AGBL1: variants seen among roughly 807,000 people sequenced by gnomAD.
The protein encoded by AGBL1 is cytosolic carboxypeptidase 4.
Under a neutral mutation model 118.9 loss-of-function variants are expected in AGBL1, and 130 were observed. The ratio of observed to expected loss-of-function variants is 1.09; its 90% CI spans 0.95 to 1.26. The LOEUF (loss-of-function observed/expected upper bound fraction) is 1.26, where lower values mean the gene tolerates loss of function less well. AGBL1 is among the 50% of genes most tolerant of loss of function. AGBL1 has a pLI of 0.00. For missense variants in AGBL1, 1,584 were observed against 1,298.1 expected (o/e 1.22, Z -3.38); for synonymous variants, 555 against 478.9 (o/e 1.16, Z -2.08).
chr15:86,438,988 C>T (rs1353846050), intron 18 of AGBL1, among the ~76,000 whole-genome samples: 1 of 152,032 alleles, frequency 6.6e-6, no homozygotes, highest in Non-Finnish European at 1.5e-5. Context: ...TCTGGCATCT[C>T]TCCCTCCTCC....
chr15:86,431,449 A>AT (rs2081934921), intron 18 of AGBL1, among the ~76,000 whole-genome samples: 1 of 152,180 alleles, frequency 6.6e-6, no homozygotes, highest in African/African-American at 2.4e-5. Context: ...TACCATATAC[A>AT]TTTCCGAGTA....
chr15:86,598,544 A>G (rs1482898943), intron 21 of AGBL1, among the ~76,000 whole-genome samples: 1 of 152,132 alleles, frequency 6.6e-6, no homozygotes, highest in Non-Finnish European at 1.5e-5. Flanking sequence ...ATTGTCCATC[A>G]CTATTCTTGT....
At chr15:86,509,137 G>A (rs963802146) in intron 18 of AGBL1, among the ~76,000 whole-genome samples, 2 of 152,102 alleles carry the variant, frequency 1.3e-5, no homozygotes, top group Non-Finnish European at 2.9e-5. Flanking sequence ...AGAATCCGGT[G>A]ACACGCACAT....
chr15:86,105,231 A>T (rs1896985097), intron 1 of AGBL1: 1 of 152,168 alleles, frequency 6.6e-6, no homozygotes, highest in African/African-American at 2.4e-5. Context: ...ATGTTGACAG[A>T]TATTTCATGC....
chr15:86,573,536 AG>A (rs1199315869), intron 21 of AGBL1, among the ~76,000 whole-genome samples: 1 of 152,232 alleles, frequency 6.6e-6, no homozygotes, highest in Non-Finnish European at 1.5e-5. Flanking sequence ...AAAGTAGGGC[AG>A]GGTCAGGAAG....
intron 22 of AGBL1, among the ~76,000 whole-genome samples, chr15:86,718,655 A>G (rs1299280481): frequency 6.6e-6 from 1 of 152,166 alleles, no homozygotes; most frequent in Non-Finnish European, 1.5e-5. Flanking sequence ...TCCGATGAGA[A>G]AGAATTTGGC....
At chr15:86,889,287 A>C (rs2141552455) in intron 22 of AGBL1, among the ~76,000 whole-genome samples, 1 of 134,216 alleles carries the variant, frequency 7.5e-6, no homozygotes, top group South Asian at 2.2e-4. Context: ...CCAAAAATTA[A>C]ACTGAAATCT....
chr15:86,764,314 T>G (rs1318318290), intron 22 of AGBL1, among the ~76,000 whole-genome samples: 1 of 151,958 alleles, frequency 6.6e-6, no homozygotes, highest in Non-Finnish European at 1.5e-5. Flanking sequence ...ATGGGTACAG[T>G]GATATGTAGT....
intron 22 of AGBL1, among the ~76,000 whole-genome samples, chr15:86,716,347 T>C (rs982163875): frequency 4.6e-5 from 7 of 152,000 alleles, no homozygotes; most frequent in African/African-American, 1.7e-4. Context: ...CTCGGAAGTG[T>C]AGTGGGGTCC....
chr15:86,773,033 T>C (rs2078204141), intron 22 of AGBL1, among the ~76,000 whole-genome samples: 1 of 151,992 alleles, frequency 6.6e-6, no homozygotes, highest in Admixed American at 6.6e-5. Flanking sequence ...GGTTTGGGGT[T>C]AGATTTACCT....
At chr15:86,598,045 C>G (rs1008449374) in intron 21 of AGBL1, among the ~76,000 whole-genome samples, 2 of 152,070 alleles carry the variant, frequency 1.3e-5, no homozygotes, top group Non-Finnish European at 2.9e-5. Context: ...CATATTTTGT[C>G]TGGCTGTTGT....
chr15:86,721,437 C>T (rs1368209853), intron 22 of AGBL1, among the ~76,000 whole-genome samples: 1 of 152,078 alleles, frequency 6.6e-6, no homozygotes, highest in African/African-American at 2.4e-5. Flanking sequence ...AGGCCTTTGA[C>T]AAAATTCAAC....
intron 17 of AGBL1, chr15:86,317,309 T>C (rs1220321659): frequency 6.6e-6 from 1 of 152,132 alleles, no homozygotes; most frequent in Non-Finnish European, 1.5e-5. Context: ...AGAGAGCAGA[T>C]GGGCTTTTGT....
chr15:86,592,636 G>C (rs1169597645), intron 21 of AGBL1, among the ~76,000 whole-genome samples: 1 of 152,166 alleles, frequency 6.6e-6, no homozygotes. Flanking sequence ...TACCAGTTGA[G>C]TGTTCTTAGA....
At chr15:86,315,950 A>G (rs1416780108) in intron 17 of AGBL1, among the ~76,000 whole-genome samples, 1 of 152,190 alleles carries the variant, frequency 6.6e-6, no homozygotes, top group Non-Finnish European at 1.5e-5. Context: ...GCTTCAGCCT[A>G]AAGCTCTCAG....
intron 18 of AGBL1, among the ~76,000 whole-genome samples, chr15:86,480,099 G>C (rs951930228): frequency 6.6e-6 from 1 of 152,102 alleles, no homozygotes; most frequent in Admixed American, 6.5e-5. Flanking sequence ...GGTGGGGAGA[G>C]GGGGGAGGGA....
chr15:86,416,557 G>A (rs1269265425), intron 18 of AGBL1, among the ~76,000 whole-genome samples: 1 of 151,500 alleles, frequency 6.6e-6, no homozygotes, highest in Non-Finnish European at 1.5e-5. Flanking sequence ...ATCTCAGGTG[G>A]GGAACACTTT....
At chr15:86,559,882 G>A (rs2083789722) in intron 21 of AGBL1, among the ~76,000 whole-genome samples, 1 of 152,146 alleles carries the variant, frequency 6.6e-6, no homozygotes, top group Non-Finnish European at 1.5e-5. Flanking sequence ...TTTGGAAGCA[G>A]GAGACCCACC....
intron 16 of AGBL1, among the ~76,000 whole-genome samples, chr15:86,293,052 T>C (rs1383358670): frequency 7.2e-5 from 11 of 152,234 alleles, no homozygotes; most frequent in Non-Finnish European, 1.5e-5. Flanking sequence ...GGTAATCTTT[T>C]CTTTTCTTGG....
Sources: gnomAD v4.1 joint callset for allele counts (sites outside exome capture counted in the v4.1 genomes callset) on GRCh38, gnomAD v4.1.1 for gene constraint, MANE v1.5 for transcripts, NCBI Gene and HGNC (gene_info 2026-07-23, HGNC 2026-07-21) for gene names.